Variants in ROBO2 observed in about 807,000 individuals in gnomAD.
ROBO2 encodes roundabout guidance receptor 2, also known as roundabout homolog 2.
ROBO2 carries 53 observed loss-of-function variants against 160.8 expected under a neutral mutation model. The ratio of observed to expected loss-of-function variants is 0.33; its 90% CI spans 0.26 to 0.41. The LOEUF (loss-of-function observed/expected upper bound fraction) is 0.41. ROBO2 is among the 10% of genes least tolerant of loss of function. The pLI is 1.00. For synonymous variants in ROBO2, 664 were observed against 611.7 expected (o/e 1.09, Z -1.26); for missense variants, 1,577 against 1,722.4 (o/e 0.92, Z 1.49).
intron 2 of ROBO2, among the ~76,000 whole-genome samples, chr3:77,163,661 T>C (rs2078689859): frequency 6.6e-6 from 1 of 152,216 alleles, no homozygotes; most frequent in Admixed American, 6.5e-5. Context: ...TTGATGTCTG[T>C]TTTCTCAACC....
intron 2 of ROBO2, among the ~76,000 whole-genome samples, chr3:77,288,447 C>T (rs1464511457): frequency 1.3e-5 from 2 of 152,146 alleles, no homozygotes; most frequent in Non-Finnish European, 2.9e-5. Context: ...AAAGGAGACT[C>T]AAATCTTCAT....
At chr3:76,434,076 C>T in intron 2 of ROBO2, 9 of 1,313,442 alleles carry the variant, frequency 6.9e-6, no homozygotes, top group Non-Finnish European at 9.9e-6. Context: ...CTCCTGGAGG[C>T]AGTATCCCAT....
intron 21 of ROBO2, among the ~76,000 whole-genome samples, chr3:77,611,668 AG>A (rs1406179757): frequency 6.6e-6 from 1 of 152,204 alleles, no homozygotes; most frequent in African/African-American, 2.4e-5. Flanking sequence ...TTTCATTCTA[AG>A]CCTTTCCCCA....
intron 2 of ROBO2, among the ~76,000 whole-genome samples, chr3:76,963,645 A>C (rs2079832019): frequency 6.6e-6 from 1 of 152,108 alleles, no homozygotes; most frequent in African/African-American, 2.4e-5. Context: ...TTATAATAAA[A>C]GCGATAAAAT....
intron 2 of ROBO2, among the ~76,000 whole-genome samples, chr3:76,473,876 T>G (rs1267883682): frequency 6.6e-6 from 1 of 152,172 alleles, no homozygotes; most frequent in African/African-American, 2.4e-5. Context: ...CATATTTACT[T>G]CCTAAAATGT....
At chr3:76,353,842 C>A (rs1042201452) in intron 2 of ROBO2, among the ~76,000 whole-genome samples, 2 of 151,778 alleles carry the variant, frequency 1.3e-5, no homozygotes, top group African/African-American at 2.4e-5. Flanking sequence ...TTCTTTTAGG[C>A]GAGACAGAGA....
chr3:77,011,172 ATCCTTCCTTTCTTCCT>A (rs2061898497), intron 2 of ROBO2, among the ~76,000 whole-genome samples: 1 of 114,244 alleles, frequency 8.8e-6, no homozygotes, highest in African/African-American at 3.5e-5. Context: ...CCTTCATTCC[ATCCTTCCTTTCTTCCT>A]TCCTTCCTTC....
chr3:77,473,918 C>G (rs114528865), intron 2 of ROBO2, among the ~76,000 whole-genome samples: 1 of 152,120 alleles, frequency 6.6e-6, no homozygotes, highest in African/African-American at 2.4e-5. Context: ...TCTCTCTGAC[C>G]TTCCTTCCTC....
chr3:76,979,267 A>T (rs1023780213), intron 2 of ROBO2, among the ~76,000 whole-genome samples: 1 of 151,936 alleles, frequency 6.6e-6, no homozygotes, highest in African/African-American at 2.4e-5. Flanking sequence ...TTTTACTTAG[A>T]TATATTGTAT....
intron 2 of ROBO2, among the ~76,000 whole-genome samples, chr3:76,302,239 G>A (rs530722528): frequency 6.6e-6 from 1 of 152,070 alleles, no homozygotes; most frequent in Non-Finnish European, 1.5e-5. Context: ...GCAAAAATAC[G>A]CAGTTTTACA....
chr3:76,639,761 A>G (rs2090551553), intron 2 of ROBO2, among the ~76,000 whole-genome samples: 1 of 152,182 alleles, frequency 6.6e-6, no homozygotes, highest in African/African-American at 2.4e-5. Context: ...CCATAGGGCT[A>G]AAAGGTAACT....
At chr3:76,279,201 T>C (rs1352388227) in intron 2 of ROBO2, among the ~76,000 whole-genome samples, 3 of 151,486 alleles carry the variant, frequency 2.0e-5, no homozygotes, top group Non-Finnish European at 2.9e-5. Flanking sequence ...GCAAGCTCAC[T>C]TTTTTTGGGG....
chr3:76,216,952 C>A (rs1025877524), intron 2 of ROBO2, among the ~76,000 whole-genome samples: 20 of 152,228 alleles, frequency 1.3e-4, no homozygotes, highest in African/African-American at 4.8e-4. Flanking sequence ...GAAATTATAA[C>A]AAACTATCTC....
At chr3:76,090,419 C>T (rs1043656520) in intron 2 of ROBO2, among the ~76,000 whole-genome samples, 14 of 152,138 alleles carry the variant, frequency 9.2e-5, no homozygotes, top group African/African-American at 3.4e-4. Flanking sequence ...GAGTGAGATC[C>T]TGTCAAAACA....
intron 1 of ROBO2, among the ~76,000 whole-genome samples, chr3:75,922,335 A>G (rs966421326): frequency 1.3e-5 from 2 of 152,188 alleles, no homozygotes; most frequent in African/African-American, 4.8e-5. Flanking sequence ...GGTTAAAACT[A>G]AATATCTAAA....
At chr3:76,736,689 A>T (rs2093718662) in intron 2 of ROBO2, among the ~76,000 whole-genome samples, 1 of 151,762 alleles carries the variant, frequency 6.6e-6, no homozygotes. Context: ...GACTTTGAAA[A>T]CTCTTTTGAG....
At chr3:77,598,433 G>T (rs2094354378) in intron 19 of ROBO2, among the ~76,000 whole-genome samples, 1 of 80,860 alleles carries the variant, frequency 1.2e-5, no homozygotes, top group Admixed American at 1.4e-4. Context: ...TTAAATAGAT[G>T]AATATATATA....
At chr3:76,735,608 A>C (rs1031600331) in intron 2 of ROBO2, among the ~76,000 whole-genome samples, 5 of 151,898 alleles carry the variant, frequency 3.3e-5, no homozygotes, top group Admixed American at 3.3e-4. Flanking sequence ...CTAAAAACAC[A>C]AAACTTATCT....
rs761048204 is a variant in ROBO2 at position 77,564,965 on chromosome 3, G to C, written c.1694G>C (p.Ser565Thr). The C allele has an allele frequency of 2.2e-5, 35 of 1,613,210 alleles. No homozygotes were observed. Among genetic ancestry groups the C allele is most frequent in the Non-Finnish European group, 3.0e-5 (35 of 1,179,662 alleles). The change falls in exon 12 of 26, where the codon AGC (serine) becomes ACC (threonine). Residue 565 changes from serine (S) to threonine (T), a missense_variant. Physicochemically the swap from Ser to Thr is moderately conservative, Grantham distance 58 (BLOSUM62 1). Transcript: ENST00000461745. ...TGTTCGCGTTTCAGCCAATCAGTGAGCAACAGCTGGCAGACCGTGGCAAAC... is the reference window on the plus strand; with the variant it reads ...TGTTCGCGTTTCAGCCAATCAGTGACCAACAGCTGGCAGACCGTGGCAAAC...
Sources: gnomAD v4.1 joint callset for allele counts (sites outside exome capture counted in the v4.1 genomes callset) on GRCh38, gnomAD v4.1.1 for gene constraint, MANE v1.5 for transcripts, NCBI Gene and HGNC (gene_info 2026-07-23, HGNC 2026-07-21) for gene names.